The following VTI1A variants were observed in gnomAD, a reference collection of about 807,000 sequenced individuals.
VTI1A encodes vesicle transport through interaction with t-SNAREs homolog 1A.
Under a neutral mutation model 34.9 loss-of-function variants are expected in VTI1A, and 22 were observed. The ratio of observed to expected loss-of-function variants is 0.63; its 90% CI spans 0.45 to 0.90. The LOEUF (loss-of-function observed/expected upper bound fraction) is 0.90. Ranked by LOEUF, VTI1A falls within the 40% of genes least tolerant of loss-of-function variation. VTI1A has a pLI of 0.00. For synonymous variants in VTI1A, 87 were observed against 97.3 expected, an observed-to-expected ratio of 0.89 and a Z score of 0.62; for missense variants, 268 against 275.6, an observed-to-expected ratio of 0.97 and a Z score of 0.20.
intron 3 of VTI1A, among the ~76,000 whole-genome samples, chr10:112,517,990 G>T (rs1190419746): frequency 6.6e-6 from 1 of 151,826 alleles, no homozygotes; most frequent in Non-Finnish European, 1.5e-5. Context: ...ACTGGGTGTG[G>T]GTTATATGGG....
In VTI1A at chr10:112,698,257, C is replaced by T. The variant is rs78378348; in HGVS notation, c.560+29259C>T. 7.9e-3 allele frequency among the ~76,000 whole-genome samples: 1,197 copies of T among 152,222 alleles called. 13 individuals are homozygous for T. Among genetic ancestry groups the T allele is most frequent in the African/African-American group, 0.028 (1,153 of 41,530 alleles). ...AGGAACCCTGAGTCTGTGGGCTATG[C>T]GGCTTCTCAGACCTTGAGACTTGGG... On this transcript the variant is annotated intron_variant, in intron 7 of 7. Coordinates refer to ENST00000393077, the MANE Select transcript of VTI1A (RefSeq NM_145206.4).
intron 5 of VTI1A, chr10:112,548,706 C>A: frequency 7.7e-7 from 1 of 1,293,214 alleles, no homozygotes; most frequent in Non-Finnish European, 1.1e-6. Flanking sequence ...GCTTTGATGA[C>A]ACCCACAGCA....
chr10:112,852,050 C>T, the VTI1A span, among the ~76,000 whole-genome samples: 1 of 151,782 alleles, frequency 6.6e-6, no homozygotes, highest in Non-Finnish European at 1.5e-5. Context: ...TCCTTTTTTG[C>T]CTTAGCTACC....
rs1853539967 is a variant in VTI1A at position 112,816,939 on chromosome 10, A to G, written c.*1556A>G. On this transcript the variant is annotated 3_prime_UTR_variant, in exon 8 of 8. Coordinates refer to ENST00000393077, the MANE Select transcript of VTI1A (RefSeq NM_145206.4). ...CATGTGTTCGGATAAATCATTTAGT[A>G]TTGTGTAAATAAAGCTGCAGCCTTT... The G allele has an allele frequency of 4.3e-6, 1 of 230,768 alleles. No individual in the cohort carries two copies. Among genetic ancestry groups the G allele is most frequent in the African/African-American group, 2.2e-5 (1 of 45,202 alleles). 14.3% of individuals were successfully genotyped at this position (230,768 alleles called of 1,614,324 possible).
At chr10:112,737,925 A>G (rs912441044) in intron 7 of VTI1A, 20 of 1,062,078 alleles carry the variant, frequency 1.9e-5, no homozygotes, top group African/African-American at 3.3e-5. Context: ...GGATGGAGGT[A>G]TGTCCCCTCT....
At chr10:112,518,561 C>A (rs1016812077) in intron 3 of VTI1A, among the ~76,000 whole-genome samples, 2 of 74,848 alleles carry the variant, frequency 2.7e-5, no homozygotes, top group African/African-American at 8.0e-5. Flanking sequence ...CTCTCTCTCT[C>A]TCTCTCTCTC....
At chr10:112,842,576 A>G in the VTI1A span, among the ~76,000 whole-genome samples, 1 of 152,204 alleles carries the variant, frequency 6.6e-6, no homozygotes, top group Non-Finnish European at 1.5e-5. Context: ...TTTCCCATCA[A>G]TAAAATGAAA....
At chr10:112,754,880 G>A (rs573337728) in intron 7 of VTI1A, among the ~76,000 whole-genome samples, 86 of 152,278 alleles carry the variant, frequency 5.6e-4, no homozygotes, top group African/African-American at 1.9e-3. Flanking sequence ...CCTCAATGAT[G>A]ACATTTTTCT....
chr10:112,684,435 C>A (rs1386311752), intron 7 of VTI1A, among the ~76,000 whole-genome samples: 3 of 117,410 alleles, frequency 2.6e-5, no homozygotes, highest in African/African-American at 1.2e-4. Context: ...AAATGCTCAT[C>A]TCTTTTTTTT....
intron 5 of VTI1A, among the ~76,000 whole-genome samples, chr10:112,663,601 A>G (rs1847540652): frequency 6.6e-6 from 1 of 152,238 alleles, no homozygotes; most frequent in African/African-American, 2.4e-5. Context: ...GAAATTCAAA[A>G]GGCTCTTCAT....
the VTI1A span, among the ~76,000 whole-genome samples, chr10:112,829,793 G>A: frequency 6.6e-6 from 1 of 152,166 alleles, no homozygotes. Context: ...TGAGAAAATG[G>A]AGACTATGAG....
chr10:112,605,177 G>A (rs751114118), intron 5 of VTI1A, among the ~76,000 whole-genome samples: 3 of 152,034 alleles, frequency 2.0e-5, no homozygotes, highest in South Asian at 2.1e-4. Flanking sequence ...CCTTCCAGGC[G>A]ACCTTGTCCA....
At chr10:112,749,960 A>G (rs1450242186) in intron 7 of VTI1A, among the ~76,000 whole-genome samples, 1 of 152,244 alleles carries the variant, frequency 6.6e-6, no homozygotes, top group Non-Finnish European at 1.5e-5. Context: ...GTCAAAAGAT[A>G]ATTTTCAAAT....
At chr10:112,606,344 T>C (rs747840309) in intron 5 of VTI1A, among the ~76,000 whole-genome samples, 3 of 152,118 alleles carry the variant, frequency 2.0e-5, no homozygotes, top group African/African-American at 4.8e-5. Context: ...TATTCTGATA[T>C]AACTCTTACC....
At chr10:112,783,724 A>G (rs1852202820) in intron 7 of VTI1A, among the ~76,000 whole-genome samples, 2 of 152,222 alleles carry the variant, frequency 1.3e-5, no homozygotes, top group South Asian at 2.1e-4. Context: ...TTGTCAGAGT[A>G]ATGCATGGCC....
chr10:112,732,331 C>T lies in VTI1A; in HGVS notation c.560+63333C>T, dbSNP rs1385855721. On this transcript the variant is annotated intron_variant, in intron 7 of 7. Transcript: ENST00000393077. ...TCTTTGGCTGTCTCTACTTCCTGGC[C>T]AGGCCAGCATAATCCACTTCCTTTG... Among the ~76,000 whole-genome samples, 3 of 152,150 alleles carry T rather than the reference C, an allele frequency of 2.0e-5. No individual in the cohort carries two copies. The East Asian group carries it at 5.8e-4, about 29-fold the overall frequency.
At chr10:112,736,071 A>G (rs1288121106) in intron 7 of VTI1A, among the ~76,000 whole-genome samples, 2 of 144,270 alleles carry the variant, frequency 1.4e-5, no homozygotes, top group Non-Finnish European at 3.0e-5. Flanking sequence ...TATATTTTAT[A>G]TTTTTATATA....
At chr10:112,475,182 C>T (rs1052254569) in intron 3 of VTI1A, among the ~76,000 whole-genome samples, 1 of 152,250 alleles carries the variant, frequency 6.6e-6, no homozygotes, top group African/African-American at 2.4e-5. Flanking sequence ...GAAACTCTGG[C>T]ACTTTCTTCC....
intron 7 of VTI1A, among the ~76,000 whole-genome samples, chr10:112,704,403 A>T (rs951708924): frequency 2.6e-5 from 4 of 152,190 alleles, no homozygotes; most frequent in Admixed American, 6.5e-5. Context: ...CCACAGGGAC[A>T]ATATGTTATT....
Sources: gnomAD v4.1 joint callset for allele counts (sites outside exome capture counted in the v4.1 genomes callset) on GRCh38, gnomAD v4.1.1 for gene constraint, MANE v1.5 for transcripts, NCBI Gene and HGNC (gene_info 2026-07-23, HGNC 2026-07-21) for gene names.